Variants in COL22A1 observed in about 807,000 individuals in gnomAD.
The protein encoded by COL22A1 is collagen alpha-1(XXII) chain.
Under a neutral mutation model 248.9 loss-of-function variants are expected in COL22A1, and 221 were observed. That is an observed-to-expected ratio of 0.89 (90% CI 0.80 to 0.99). COL22A1 has a LOEUF of 0.99. Among genes scored for constraint, COL22A1 ranks in the 50% least tolerant of loss-of-function variants. The probability of loss-of-function intolerance (pLI) is 0.00; values close to 1 mark genes in which losing one functional copy is unlikely to be tolerated. For synonymous variants in COL22A1, 891 were observed against 793.4 expected, an observed-to-expected ratio of 1.12 and a Z score of -2.07; for missense variants, 2,240 against 2,179.0, an observed-to-expected ratio of 1.03 and a Z score of -0.56.
At chr8:138,808,549 A>G (rs763849363) in intron 9 of COL22A1, among the ~76,000 whole-genome samples, 3 of 152,240 alleles carry the variant, frequency 2.0e-5, no homozygotes, top group Non-Finnish European at 2.9e-5. Context: ...CAATTTAACA[A>G]TGTGTAAAGA....
At chr8:138,832,279 T>C (rs1010953409) in intron 5 of COL22A1, among the ~76,000 whole-genome samples, 4 of 152,214 alleles carry the variant, frequency 2.6e-5, no homozygotes, top group African/African-American at 7.2e-5. Context: ...TTCATTTTTT[T>C]ACTTTCTTAA....
At chr8:138,709,398 T>A (rs372643622) in intron 30 of COL22A1, among the ~76,000 whole-genome samples, 3 of 151,986 alleles carry the variant, frequency 2.0e-5, no homozygotes, top group Non-Finnish European at 4.4e-5. Flanking sequence ...CAAATGTCCA[T>A]CAATGATAGA....
At chr8:138,805,382 TGG>T in intron 10 of COL22A1, among the ~76,000 whole-genome samples, 2 of 146,846 alleles carry the variant, frequency 1.4e-5, no homozygotes, top group Non-Finnish European at 1.5e-5. Flanking sequence ...TGTGATGGTG[TGG>T]GCATGTGATG....
At position 138,722,018 on chromosome 8, in the gene COL22A1, A is replaced by G; in HGVS notation, c.2301+18T>C. 2 of 1,562,128 alleles carry G rather than the reference A, an allele frequency of 1.3e-6. No homozygotes were observed. Among genetic ancestry groups the G allele is most frequent in the Non-Finnish European group, 1.7e-6 (2 of 1,150,280 alleles). On this transcript the variant is annotated intron_variant, in intron 26 of 64. Coordinates refer to ENST00000303045, the MANE Select transcript of COL22A1 (RefSeq NM_152888.3). ...GTTTTGGGTTCCCAAACTGGTGCCA[A>G]CCGCATCAGTGACCAACCTTGGTTC...
At chr8:138,885,033 C>T (rs945128611) in intron 1 of COL22A1, among the ~76,000 whole-genome samples, 5 of 152,090 alleles carry the variant, frequency 3.3e-5, no homozygotes, top group South Asian at 2.1e-4. Context: ...CACACACACA[C>T]GCACACACAC....
chr8:138,749,007 G>A lies in COL22A1; in HGVS notation c.2085+2451C>T, dbSNP rs1879045. ...TCTTGTGGTAGTGAATAAGTCTCAC[G>A]AGATTTCATGGTTTTACAAGGGAAA... On this transcript the variant is annotated intron_variant, in intron 22 of 64. Coordinates refer to ENST00000303045, the MANE Select transcript of COL22A1 (RefSeq NM_152888.3). Among the ~76,000 whole-genome samples the A allele has an allele frequency of 3.8e-3, 580 of 152,248 alleles. 2 individuals are homozygous for A. The highest frequency in any genetic ancestry group is 0.013 in the African/African-American group (549 of 41,554).
At chr8:138,822,463 T>A (rs181980073) in intron 6 of COL22A1, among the ~76,000 whole-genome samples, 1 of 152,304 alleles carries the variant, frequency 6.6e-6, no homozygotes, top group Admixed American at 6.5e-5. Context: ...ACATGCCAGG[T>A]GTCAGGAACA....
intron 16 of COL22A1, among the ~76,000 whole-genome samples, chr8:138,771,884 C>A (rs1266860682): frequency 1.3e-5 from 2 of 152,322 alleles, no homozygotes; most frequent in East Asian, 3.9e-4. Context: ...GGAAAGCCGA[C>A]TGCACCGCGC....
intron 39 of COL22A1, among the ~76,000 whole-genome samples, chr8:138,680,570 A>G (rs995851015): frequency 1.3e-5 from 2 of 152,332 alleles, no homozygotes; most frequent in East Asian, 1.9e-4. Flanking sequence ...AAACCTTCAA[A>G]TAACTCCCTT....
intron 50 of COL22A1, among the ~76,000 whole-genome samples, chr8:138,627,011 G>A (rs546382104): frequency 2.0e-5 from 3 of 152,178 alleles, no homozygotes; most frequent in East Asian, 3.9e-4. Context: ...TGGGAGATAA[G>A]ACACAGGTGC....
intron 1 of COL22A1, among the ~76,000 whole-genome samples, chr8:138,902,737 T>TAC (rs777413704): frequency 0.17 from 18,459 of 106,586 alleles, 1,868 homozygotes; most frequent in East Asian, 0.24. Context: ...TATATATATA[T>TAC]ATACACACAC....
intron 31 of COL22A1, 85 bp downstream of exon 31, chr8:138,703,221 C>T: frequency 1.6e-6 from 2 of 1,249,700 alleles, no homozygotes; most frequent in Non-Finnish European, 2.4e-6. Context: ...ATATTTAAAA[C>T]TAAGTAGTGG....
chr8:138,807,218 C>A (rs1265017226), intron 10 of COL22A1, among the ~76,000 whole-genome samples: 1 of 152,148 alleles, frequency 6.6e-6, no homozygotes, highest in Non-Finnish European at 1.5e-5. Flanking sequence ...TTTTCACCCA[C>A]ACACTCAGTT....
chr8:138,636,472 G>C lies in COL22A1; in HGVS notation c.3555+270C>G, dbSNP rs556841517. 5.5e-4 allele frequency among the ~76,000 whole-genome samples: 7 copies of C among 12,794 alleles called. No individual in the cohort carries two copies. In the East Asian group the frequency reaches 0.012, roughly 23 times the overall value. 8.4% of individuals were successfully genotyped at this position (12,794 alleles called of 152,430 possible). On this transcript the variant is annotated intron_variant, in intron 48 of 64. Coordinates refer to ENST00000303045, the MANE Select transcript of COL22A1 (RefSeq NM_152888.3). ...TAAAATAGTACAAAAAGAAAGAAAAGAGAAGGAAGAAAGGAAAGGAAAGGA... is the reference window on the plus strand; with the variant it reads ...TAAAATAGTACAAAAAGAAAGAAAACAGAAGGAAGAAAGGAAAGGAAAGGA...
At chr8:138,765,857 G>A (rs1308971792) in intron 16 of COL22A1, among the ~76,000 whole-genome samples, 2 of 152,222 alleles carry the variant, frequency 1.3e-5, no homozygotes, top group Admixed American at 6.5e-5. Context: ...TCTCAGCAGA[G>A]AGGAGCCACC....
chr8:138,903,422 T>C (rs1814766399), intron 1 of COL22A1, among the ~76,000 whole-genome samples: 1 of 152,192 alleles, frequency 6.6e-6, no homozygotes, highest in South Asian at 2.1e-4. Context: ...GGGTAACATG[T>C]AGCAAACATG....
At chr8:138,806,051 TA>T (rs1476987867) in intron 10 of COL22A1, among the ~76,000 whole-genome samples, 62 of 44,948 alleles carry the variant, frequency 1.4e-3, no homozygotes, top group South Asian at 2.4e-3. Context: ...ATGGTGTAGG[TA>T]ATGGTGTGTG....
At chr8:138,771,712 T>C (rs34862591) in intron 16 of COL22A1, among the ~76,000 whole-genome samples, 1,773 of 152,336 alleles carry the variant, frequency 0.012, 17 homozygotes, top group Non-Finnish European at 0.018. Context: ...GTGTTAGTTA[T>C]GGACCGGACG....
rs2014171327 is a variant in COL22A1 at position 138,826,692 on chromosome 8, A to G, written c.935T>C (p.Ile312Thr). ...GCTGTACTGGTCGATGACCTGCCAG[A>G]TATACCAGTCTTCCTTCCGAGAGGT... ...RKTSRKEDWY[I>T]WQVIDQYSIP... Residue 312 changes from isoleucine (I) to threonine (T), a missense_variant, in exon 6 of 65, where the codon ATC (isoleucine) becomes ACC (threonine). By Grantham distance (89) the Ile-to-Thr change is moderately conservative (BLOSUM62 -1). Coordinates refer to ENST00000303045, the MANE Select transcript of COL22A1 (RefSeq NM_152888.3). The G allele has an allele frequency of 1.9e-6, 3 of 1,614,000 alleles. No homozygotes were observed. Among genetic ancestry groups the G allele is most frequent in the Non-Finnish European group, 2.5e-6 (3 of 1,179,924 alleles).
Sources: gnomAD v4.1 joint callset for allele counts (sites outside exome capture counted in the v4.1 genomes callset) on GRCh38, gnomAD v4.1.1 for gene constraint, MANE v1.5 for transcripts, NCBI Gene and HGNC (gene_info 2026-07-23, HGNC 2026-07-21) for gene names.